HMGA1: variants seen among roughly 807,000 people sequenced by gnomAD.
HMGA1 encodes high mobility group AT-hook 1, also known as high mobility group protein HMG-I/HMG-Y.
HMGA1 carries 1 observed loss-of-function variant against 15.1 expected under a neutral mutation model. The observed-to-expected ratio is 0.07, with a 90% confidence interval of 0.02 to 0.31. The LOEUF (loss-of-function observed/expected upper bound fraction) is 0.31, where lower values mean the gene tolerates loss of function less well. Among genes scored for constraint, HMGA1 ranks in the 10% least tolerant of loss-of-function variants. HMGA1 has a pLI of 1.00. For missense variants in HMGA1, 94 were observed against 141.4 expected (o/e 0.66, Z 1.70); for synonymous variants, 56 against 54.8 (o/e 1.02, Z -0.10).
intron 3 of HMGA1, among the ~76,000 whole-genome samples, chr6:34,241,908 G>C (rs774810145): frequency 1.4e-4 from 22 of 152,106 alleles, no homozygotes; most frequent in Non-Finnish European, 5.9e-5. Flanking sequence ...TCAGAGCCTG[G>C]GGTGGGGTCA....
At position 34,242,653 on chromosome 6, in the gene HMGA1, C is replaced by G. The variant is rs893434591; in HGVS notation, c.136-59C>G. ...TTGTTGAGGAGGCAGAGGGCTGTGTCTTCTGAGGGGGTGGAAACAGGTGAT... is the reference window on the plus strand; with the variant it reads ...TTGTTGAGGAGGCAGAGGGCTGTGTGTTCTGAGGGGGTGGAAACAGGTGAT... On this transcript the variant is annotated intron_variant, in intron 3 of 5. Transcript: ENST00000311487. The G allele has an allele frequency of 1.1e-5, 13 of 1,221,576 alleles. No individual in the cohort carries two copies. The African/African-American group carries it at 1.8e-4, about 17-fold the overall frequency. 75.7% of individuals were successfully genotyped at this position (1,221,576 alleles called of 1,614,324 possible). A position where few individuals can be genotyped will look rare whatever the true frequency, so the allele number is the denominator to read the frequency against.
Position 34,245,713 on chromosome 6 carries a change from C to A in HMGA1, c.*829C>A. 2.5e-6 allele frequency: 2 copies of A among 814,728 alleles called. No homozygotes were observed. Among genetic ancestry groups the A allele is most frequent in the South Asian group, 1.7e-5 (1 of 57,298 alleles). The allele number at this position is 814,728 out of a possible 1,614,324, so 50.5% of individuals were successfully genotyped here. A position where few individuals can be genotyped will look rare whatever the true frequency, so the allele number is the denominator to read the frequency against. ...TGCTCCCCTAACCCTACTTTGCTTC[C>A]GCCACTCAGCCATTTCCCCCTCCTC... On this transcript the variant is annotated 3_prime_UTR_variant, in exon 6 of 6. Transcript: ENST00000311487.
rs1156336595 is a variant in HMGA1 at position 34,245,666 on chromosome 6, G to A, written c.*782G>A. Reference sequence around the variant, plus strand: ...GGTGAGGCCCAAGAGCCCTGTGGCCGCCACCTGAGGTGGGCTGGGGCTGCT... The same window carrying A: ...GGTGAGGCCCAAGAGCCCTGTGGCCACCACCTGAGGTGGGCTGGGGCTGCT... On this transcript the variant is annotated 3_prime_UTR_variant, in exon 6 of 6. Transcript: ENST00000311487. 35 of 1,292,224 alleles carry A rather than the reference G, an allele frequency of 2.7e-5. No individual in the cohort carries two copies. The highest frequency in any genetic ancestry group is 2.3e-4 in the Middle Eastern group (1 of 4,354). The allele number at this position is 1,292,224 out of a possible 1,614,324, so 80.0% of individuals were successfully genotyped here. A position where few individuals can be genotyped will look rare whatever the true frequency, so the allele number is the denominator to read the frequency against.
At chr6:34,240,365 A>T (rs1172877224) in intron 2 of HMGA1, among the ~76,000 whole-genome samples, 1 of 152,072 alleles carries the variant, frequency 6.6e-6, no homozygotes, top group African/African-American at 2.4e-5. Context: ...GAAGGAGGGG[A>T]TGCTGGCAAT....
At position 34,244,313 on chromosome 6, in the gene HMGA1, G is replaced by A. The variant is rs566629068; in HGVS notation, c.271-518G>A. Among the ~76,000 whole-genome samples the A allele has an allele frequency of 3.9e-5, 6 of 152,178 alleles. No homozygotes were observed. In the East Asian group the frequency reaches 7.7e-4, roughly 20 times the overall value. ...TCCCGCCCAGTGAGTGAGCCCCGGC[G>A]GCACACACTTCCCCTTCCTCCCCAC... is the stretch of plus-strand genomic sequence containing the variant. On this transcript the variant is annotated intron_variant, in intron 5 of 5. Coordinates refer to ENST00000311487, the MANE Select transcript of HMGA1 (RefSeq NM_145899.3).
At chr6:34,243,912 A>AAC (rs1268953736) in intron 5 of HMGA1, among the ~76,000 whole-genome samples, 2 of 152,098 alleles carry the variant, frequency 1.3e-5, no homozygotes, top group Non-Finnish European at 2.9e-5. Flanking sequence ...GCAGAAGAGA[A>AAC]ACAGCGAAGG....
intron 4 of HMGA1, 99 bp from the exon 5 acceptor site, chr6:34,243,369 C>G: frequency 1.1e-6 from 1 of 926,066 alleles, no homozygotes; most frequent in Non-Finnish European, 1.7e-6. Context: ...GTTGGGTCAC[C>G]CTGAACAGGC....
intron 2 of HMGA1, among the ~76,000 whole-genome samples, 193 bp downstream of exon 2, chr6:34,237,510 G>A (rs1288432492): frequency 2.1e-5 from 3 of 144,594 alleles, no homozygotes; most frequent in Non-Finnish European, 4.6e-5. Flanking sequence ...GCCCGGCGGC[G>A]CGGGGAGGAC....
chr6:34,245,808 C>T lies in HMGA1; in HGVS notation c.*924C>T, dbSNP rs1762702923. 2 of 416,494 alleles carry T rather than the reference C, an allele frequency of 4.8e-6. No homozygotes were observed. Among genetic ancestry groups the T allele is most frequent in the Non-Finnish European group, 9.3e-6 (2 of 215,742 alleles). The allele number at this position is 416,494 out of a possible 1,614,324, so 25.8% of individuals were successfully genotyped here. A position where few individuals can be genotyped will look rare whatever the true frequency, so the allele number is the denominator to read the frequency against. On this transcript the variant is annotated 3_prime_UTR_variant, in exon 6 of 6. Transcript: ENST00000311487. The stretch of plus-strand genomic sequence containing the variant: ...CCCCCCTCCTGCTCCTCCCTGCCCC[C>T]CAAGGTTCTGGTTCCATTTTTCCTC...
Position 34,240,999 on chromosome 6 carries a change from T to C in HMGA1, c.135+84T>C, listed in dbSNP as rs1227616222. On this transcript the variant is annotated intron_variant, in intron 3 of 5. Transcript: ENST00000311487. ...GAGTTTCATTCAGCAGGCGAGACCA[T>C]GCATGGAGGGTGCAGAATGATTCTG... is the stretch of plus-strand genomic sequence containing the variant. 10 of 1,479,876 alleles carry C rather than the reference T, an allele frequency of 6.8e-6. No individual in the cohort carries two copies. In the South Asian group the frequency reaches 9.2e-5, roughly 14 times the overall value. 91.7% of individuals were successfully genotyped at this position (1,479,876 alleles called of 1,614,324 possible). A position where few individuals can be genotyped will look rare whatever the true frequency, so the allele number is the denominator to read the frequency against.
intron 3 of HMGA1, among the ~76,000 whole-genome samples, chr6:34,241,779 C>T (rs1430862834): frequency 6.6e-6 from 1 of 152,198 alleles, no homozygotes; most frequent in African/African-American, 2.4e-5. Context: ...GACCTCTGCC[C>T]CTTAAACATG....
At chr6:34,237,532 T>G (rs1384185650) in intron 2 of HMGA1, among the ~76,000 whole-genome samples, 2 of 141,534 alleles carry the variant, frequency 1.4e-5, no homozygotes, top group Non-Finnish European at 3.1e-5. Context: ...CCCGCACCCC[T>G]TCCCCCGCGC....
At chr6:34,243,223 T>C (rs531242231) in intron 4 of HMGA1, among the ~76,000 whole-genome samples, 1 of 152,158 alleles carries the variant, frequency 6.6e-6, no homozygotes, top group East Asian at 1.9e-4. Flanking sequence ...TTTATTTTAT[T>C]TTTTCTAAGA....
At chr6:34,244,740 C>T in intron 5 of HMGA1, 91 bp from the exon 6 acceptor site, 1 of 1,036,230 alleles carries the variant, frequency 9.7e-7, no homozygotes, top group Non-Finnish European at 1.5e-6. Flanking sequence ...TCAGGAGAGC[C>T]AGGGAGTGCA....
Position 34,245,224 on chromosome 6 carries a change from A to G in HMGA1, c.*340A>G, listed in dbSNP as rs756006004. 1.5e-4 allele frequency: 207 copies of G among 1,390,938 alleles called. No homozygotes were observed. The highest frequency in any genetic ancestry group is 9.3e-4 in the East Asian group (28 of 30,118). 86.2% of individuals were successfully genotyped at this position (1,390,938 alleles called of 1,614,324 possible). On this transcript the variant is annotated 3_prime_UTR_variant, in exon 6 of 6. Transcript: ENST00000311487. ...CGTCCCCACTCCCTTGGTGGTGGGG[A>G]CATTGCTCTCTGGGCTTTTGGTTTG...
At chr6:34,242,970 G>A (rs1009097383) in intron 4 of HMGA1, among the ~76,000 whole-genome samples, 175 bp downstream of exon 4, 4 of 152,124 alleles carry the variant, frequency 2.6e-5, no homozygotes, top group Non-Finnish European at 4.4e-5. Flanking sequence ...AGAGTGGGGC[G>A]ATGACTAAGG....
chr6:34,244,991 C>T lies in HMGA1; in HGVS notation c.*107C>T. The T allele has an allele frequency of 1.6e-5, 24 of 1,545,506 alleles. No individual in the cohort carries two copies. The highest frequency in any genetic ancestry group is 2.1e-5 in the Non-Finnish European group (24 of 1,144,638). On this transcript the variant is annotated 3_prime_UTR_variant, in exon 6 of 6. Transcript: ENST00000311487. ...ACCCCTTCCCCAGGCCCACCATCAC[C>T]ACCGCCTCTGGCCGCCACCCCCATC...
intron 4 of HMGA1, among the ~76,000 whole-genome samples, 157 bp downstream of exon 4, chr6:34,242,952 A>G (rs1762420152): frequency 6.6e-6 from 1 of 152,102 alleles, no homozygotes; most frequent in South Asian, 2.1e-4. Context: ...AGTCTTTGCT[A>G]ACTGGGGAGA....
At chr6:34,243,336 G>C (rs956602140) in intron 4 of HMGA1, 132 bp from the exon 5 acceptor site, 3 of 742,230 alleles carry the variant, frequency 4.0e-6, no homozygotes, top group Non-Finnish European at 7.2e-6. Flanking sequence ...AGCTGGACTT[G>C]GGTGGGCCTG....
Sources: allele counts gnomAD v4.1 joint callset (sites outside exome capture counted in the v4.1 genomes callset), GRCh38; gene constraint gnomAD v4.1.1; transcripts MANE v1.5; gene names NCBI Gene and HGNC (gene_info 2026-07-23, HGNC 2026-07-21).